Variants in CTNNA3 observed in about 807,000 individuals in gnomAD.
The protein encoded by CTNNA3 is catenin alpha 3.
In CTNNA3, 76 loss-of-function variants were observed where a neutral mutation model predicts 95.7. The ratio of observed to expected loss-of-function variants is 0.79; its 90% CI spans 0.66 to 0.96. CTNNA3 has a LOEUF of 0.96. Among genes scored for constraint, CTNNA3 ranks in the 40% least tolerant of loss-of-function variants. CTNNA3 has a pLI of 0.00. For synonymous variants in CTNNA3, 431 were observed against 374.4 expected, an observed-to-expected ratio of 1.15 and a Z score of -1.74; for missense variants, 1,191 against 1,089.8, an observed-to-expected ratio of 1.09 and a Z score of -1.31.
intron 5 of CTNNA3, among the ~76,000 whole-genome samples, chr10:67,355,588 T>A (rs989360698): frequency 6.6e-6 from 1 of 151,642 alleles, no homozygotes; most frequent in Non-Finnish European, 1.5e-5. Flanking sequence ...GAGTTCTTCA[T>A]CATTCCTGAG....
intron 13 of CTNNA3, among the ~76,000 whole-genome samples, chr10:66,146,593 G>T: frequency 6.6e-6 from 1 of 152,144 alleles, no homozygotes. Context: ...TTTCACTCTC[G>T]TAACTCAGGC....
chr10:66,764,099 G>A (rs1301216943), intron 9 of CTNNA3, among the ~76,000 whole-genome samples: 2 of 152,128 alleles, frequency 1.3e-5, no homozygotes, highest in African/African-American at 4.8e-5. Flanking sequence ...AGCATTACCA[G>A]AGTGAAAACC....
intron 13 of CTNNA3, among the ~76,000 whole-genome samples, chr10:66,131,996 G>T (rs1293537510): frequency 1.3e-5 from 2 of 152,134 alleles, no homozygotes; most frequent in Admixed American, 6.5e-5. Flanking sequence ...AAGGGGCAAA[G>T]ATTTCATGAC....
rs181721301 is a variant in CTNNA3 at position 66,919,505 on chromosome 10, G to A, written c.1048-143981C>T. Reference sequence around the variant, plus strand: ...ATAAAACCTGAGAATATGGATTGACGCTGCTGCATAAATGTATCTTCAGGT... The same window carrying A: ...ATAAAACCTGAGAATATGGATTGACACTGCTGCATAAATGTATCTTCAGGT... On this transcript the variant is annotated intron_variant, in intron 7 of 17. Coordinates refer to ENST00000433211, the MANE Select transcript of CTNNA3 (RefSeq NM_013266.4). Among the ~76,000 whole-genome samples, 102 of 152,256 alleles carry A rather than the reference G, an allele frequency of 6.7e-4. 1 individual carries two copies. The highest frequency in any genetic ancestry group is 2.3e-3 in the African/African-American group (94 of 41,564).
At chr10:67,154,737 G>A (rs1374102894) in intron 7 of CTNNA3, among the ~76,000 whole-genome samples, 1 of 152,058 alleles carries the variant, frequency 6.6e-6, no homozygotes, top group Non-Finnish European at 1.5e-5. Flanking sequence ...CATATGAGCT[G>A]TATGGCCCAG....
intron 5 of CTNNA3, among the ~76,000 whole-genome samples, chr10:67,220,440 G>A (rs1277857160): frequency 2.0e-5 from 3 of 152,172 alleles, no homozygotes. Context: ...CTGGACTCCA[G>A]TGTACAGATA....
intron 11 of CTNNA3, among the ~76,000 whole-genome samples, chr10:66,421,385 A>G (rs1411395867): frequency 6.6e-6 from 1 of 152,178 alleles, no homozygotes; most frequent in African/African-American, 2.4e-5. Context: ...AATATAATCT[A>G]TATTTCAAAG....
chr10:67,022,799 G>T (rs927523429), intron 7 of CTNNA3, among the ~76,000 whole-genome samples: 1 of 152,012 alleles, frequency 6.6e-6, no homozygotes, highest in Non-Finnish European at 1.5e-5. Context: ...TTAGCCGGGC[G>T]TGGTGGTGCA....
rs760882610 is a variant in CTNNA3 at position 67,363,702 on chromosome 10, G to A, written c.580-143832C>T. 3.3e-5 allele frequency among the ~76,000 whole-genome samples: 5 copies of A among 152,150 alleles called. No individual in the cohort carries two copies. The South Asian group carries it at 8.3e-4, about 25-fold the overall frequency. ...CAGAGAATACCATAAACACTTCTAC[G>A]CAAATAAACTAGAAAATCTAGAAAA... On this transcript the variant is annotated intron_variant, in intron 5 of 17. Transcript: ENST00000433211.
At chr10:66,652,722 T>C (rs1279775954) in intron 9 of CTNNA3, among the ~76,000 whole-genome samples, 1 of 152,128 alleles carries the variant, frequency 6.6e-6, no homozygotes, top group Non-Finnish European at 1.5e-5. Flanking sequence ...CTGGTGAACA[T>C]AGATACAAAT....
intron 9 of CTNNA3, among the ~76,000 whole-genome samples, chr10:66,664,544 TG>T (rs1405123642): frequency 6.6e-6 from 1 of 152,026 alleles, no homozygotes; most frequent in Non-Finnish European, 1.5e-5. Flanking sequence ...TCAGGCCCTT[TG>T]GGAAATGACA....
At chr10:66,643,891 A>G (rs1197465075) in intron 9 of CTNNA3, among the ~76,000 whole-genome samples, 1 of 152,176 alleles carries the variant, frequency 6.6e-6, no homozygotes, top group Non-Finnish European at 1.5e-5. Context: ...AGAAGAAAGT[A>G]CAAGATGTGT....
chr10:66,231,001 T>C (rs988252199), intron 13 of CTNNA3, among the ~76,000 whole-genome samples: 2 of 152,076 alleles, frequency 1.3e-5, no homozygotes, highest in Non-Finnish European at 2.9e-5. Flanking sequence ...AAGAATAAAC[T>C]CAGGTGGTGG....
intron 12 of CTNNA3, among the ~76,000 whole-genome samples, chr10:66,286,075 G>A (rs1425949008): frequency 6.6e-6 from 1 of 151,938 alleles, no homozygotes; most frequent in East Asian, 1.9e-4. Flanking sequence ...CCTAGTAGAT[G>A]TTTTTTGGTG....
intron 5 of CTNNA3, among the ~76,000 whole-genome samples, chr10:67,509,432 A>C (rs1400250466): frequency 6.6e-6 from 1 of 152,040 alleles, no homozygotes; most frequent in East Asian, 1.9e-4. Context: ...ATAAGTGAGA[A>C]CATGTGGTGT....
intron 5 of CTNNA3, among the ~76,000 whole-genome samples, chr10:67,376,224 A>G (rs146681985): frequency 2.0e-4 from 30 of 152,342 alleles, no homozygotes; most frequent in Middle Eastern, 3.4e-3. Context: ...TTATCAGGAA[A>G]GCAAAATCTA....
chr10:67,371,911 G>A (rs1251187406), intron 5 of CTNNA3, among the ~76,000 whole-genome samples: 1 of 152,100 alleles, frequency 6.6e-6, no homozygotes, highest in Non-Finnish European at 1.5e-5. Context: ...ACTTTTTAAT[G>A]ATTGCCATTC....
intron 9 of CTNNA3, among the ~76,000 whole-genome samples, chr10:66,672,870 G>A (rs2132476938): frequency 6.6e-6 from 1 of 152,104 alleles, no homozygotes; most frequent in Non-Finnish European, 1.5e-5. Flanking sequence ...AGATTGATCA[G>A]CCTTCTTTCA....
intron 13 of CTNNA3, among the ~76,000 whole-genome samples, chr10:66,133,729 C>A (rs2133856902): frequency 6.6e-6 from 1 of 152,064 alleles, no homozygotes; most frequent in South Asian, 2.1e-4. Context: ...AGAAATAAAT[C>A]TATATTTGGC....
Sources: allele counts gnomAD v4.1 joint callset (sites outside exome capture counted in the v4.1 genomes callset), GRCh38; gene constraint gnomAD v4.1.1; transcripts MANE v1.5; gene names NCBI Gene and HGNC (gene_info 2026-07-23, HGNC 2026-07-21).